The following CENPI variants were observed in gnomAD, a reference collection of about 807,000 sequenced individuals.
CENPI encodes centromere protein I, also known as FSH primary response 1.
Under a neutral mutation model 60.4 loss-of-function variants are expected in CENPI, and 4 were observed. The ratio of observed to expected loss-of-function variants is 0.07; its 90% CI spans 0.03 to 0.15. CENPI has a LOEUF of 0.15. Ranked by LOEUF, CENPI falls within the 10% of genes least tolerant of loss-of-function variation. The pLI is 1.00. For synonymous variants in CENPI, 157 were observed against 189.4 expected (o/e 0.83, Z 1.40); for missense variants, 444 against 534.5 (o/e 0.83, Z 1.67).
rs1429804180 is a variant in CENPI, at chrX:101,134,939, G to A, written c.1470+2483G>A. On this transcript the variant is annotated intron_variant, in intron 15 of 21. Coordinates refer to ENST00000682095, the MANE Select transcript of CENPI (RefSeq NM_001386188.2). ...TGAGGCAGGAGAATCGCTTGAACCC[G>A]GGAGGTGGAGGTTGCAGTGAGCCGA... Among the ~76,000 whole-genome samples the A allele has an allele frequency of 3.6e-5, 4 of 109,991 alleles. No homozygotes were observed. In the South Asian group the frequency reaches 1.6e-3, roughly 44 times the overall value.
downstream of CENPI, among the ~76,000 whole-genome samples, chrX:101,168,490 C>T (rs374827294): frequency 4.5e-5 from 5 of 111,716 alleles, no homozygotes; most frequent in East Asian, 1.1e-3. Context: ...TGCTTGAACC[C>T]GGGAGGTGGA....
intron 8 of CENPI, among the ~76,000 whole-genome samples, chrX:101,123,460 C>T (rs1300340134): frequency 8.9e-6 from 1 of 111,741 alleles, no homozygotes; most frequent in African/African-American, 3.3e-5. Context: ...CTCCCTCTAC[C>T]GGGCATGAGC....
the CENPI span, among the ~76,000 whole-genome samples, chrX:101,172,199 G>C: frequency 5.4e-5 from 6 of 111,810 alleles, no homozygotes; most frequent in South Asian, 2.3e-3. Context: ...GTCATGTATT[G>C]CTGGTTGGAA....
intron 20 of CENPI, among the ~76,000 whole-genome samples, chrX:101,154,173 A>G (rs1478012296): frequency 8.9e-6 from 1 of 111,763 alleles, no homozygotes; most frequent in Non-Finnish European, 1.9e-5. Context: ...GAAATCAGAA[A>G]ATGTGAGTTC....
At chrX:101,119,176 G>T (rs1047645102) in intron 6 of CENPI, among the ~76,000 whole-genome samples, 3 of 111,490 alleles carry the variant, frequency 2.7e-5, no homozygotes, top group Non-Finnish European at 5.7e-5. Context: ...GTGAAACTCC[G>T]TCTCAAAAAA....
chrX:101,127,400 C>A (rs747455688), intron 10 of CENPI, 98 bp from the exon 11 acceptor site: 150 of 956,646 alleles, frequency 1.6e-4, no homozygotes, highest in Non-Finnish European at 2.0e-4. Flanking sequence ...AAGCCATATT[C>A]AGATTCCTTT....
downstream of CENPI, among the ~76,000 whole-genome samples, chrX:101,167,428 C>T (rs944664428): frequency 9.0e-6 from 1 of 111,585 alleles, no homozygotes; most frequent in Non-Finnish European, 1.9e-5. Flanking sequence ...ACTGTTACCT[C>T]GGGTAATAAG....
intron 15 of CENPI, among the ~76,000 whole-genome samples, chrX:101,139,369 A>G (rs1239726411): frequency 1.8e-5 from 2 of 111,226 alleles, no homozygotes; most frequent in Non-Finnish European, 3.8e-5. Flanking sequence ...TGCTGGGATT[A>G]CAGGCATGAA....
intron 16 of CENPI, among the ~76,000 whole-genome samples, chrX:101,144,087 C>CTT (rs58858609): frequency 0.16 from 12,559 of 79,509 alleles, 1,200 homozygotes; most frequent in African/African-American, 0.27. Flanking sequence ...TTTTCTTTTT[C>CTT]TTTTTTTTTT....
intron 20 of CENPI, 28 bp from the exon 21 acceptor site, chrX:101,161,500 T>C: frequency 8.4e-7 from 1 of 1,193,961 alleles, no homozygotes; most frequent in Non-Finnish European, 1.1e-6. Flanking sequence ...TTTTGCTTTG[T>C]TTTGTTTTTT....
chrX:101,135,979 T>C, intron 15 of CENPI, among the ~76,000 whole-genome samples: 1 of 112,614 alleles, frequency 8.9e-6, no homozygotes, highest in Middle Eastern at 4.6e-3. Flanking sequence ...TGCCTTGGCC[T>C]ACCAGAGTGC....
chrX:101,108,916 G>A (rs745572179), intron 4 of CENPI, among the ~76,000 whole-genome samples: 1 of 110,769 alleles, frequency 9.0e-6, no homozygotes, highest in Non-Finnish European at 1.9e-5. Flanking sequence ...CAAAGTGTTA[G>A]GATTATAGGC....
In CENPI at chrX:101,127,562, A is replaced by G; in HGVS notation, c.971A>G (p.Lys324Arg). Reference sequence around the variant, plus strand: ...AGTAGCTACACTAAAGAATGTGGAAAAAAAGAGATGAGTCTTTCTGATTGT... The same window carrying G: ...AGTAGCTACACTAAAGAATGTGGAAGAAAAGAGATGAGTCTTTCTGATTGT... ...NSSSYTKECG[K>R]KEMSLSDCLN... The change falls in exon 11 of 22, where the codon AAA becomes AGA. Residue 324 changes from lysine to arginine, a missense_variant. Physicochemically the swap from Lys to Arg is conservative, Grantham distance 26. Coordinates refer to ENST00000682095, the MANE Select transcript of CENPI (RefSeq NM_001386188.2). 2 of 1,199,616 alleles carry G rather than the reference A, an allele frequency of 1.7e-6. No homozygotes were observed. The highest frequency in any genetic ancestry group is 1.1e-6 in the Non-Finnish European group (1 of 885,667).
intron 6 of CENPI, among the ~76,000 whole-genome samples, chrX:101,114,945 A>C (rs187655624): frequency 1.2e-5 from 1 of 84,311 alleles, no homozygotes; most frequent in East Asian, 3.5e-4. Context: ...CTGGTGTATT[A>C]GTACATAAAA....
In CENPI at chrX:101,127,201, C is replaced by T. The variant is rs1602799134; in HGVS notation, c.841C>T (p.Arg281Trp). The T allele has an allele frequency of 3.3e-6, 4 of 1,196,094 alleles. No individual in the cohort carries two copies. The highest frequency in any genetic ancestry group is 1.9e-5 in the South Asian group (1 of 53,380). The change falls in exon 10 of 22, where the codon CGG becomes TGG. Residue 281 changes from arginine (R) to tryptophan (W), a missense_variant. Physicochemically the swap from Arg to Trp is moderately radical, Grantham distance 101 (BLOSUM62 -3). Coordinates refer to ENST00000682095, the MANE Select transcript of CENPI (RefSeq NM_001386188.2). Reference sequence around the variant, plus strand: ...TCTGCTTGCCGTGAAGCAAAGAAACCGGGGACCTTCTCCAGAACCTCTGAA... The same window carrying T: ...TCTGCTTGCCGTGAAGCAAAGAAACTGGGGACCTTCTCCAGAACCTCTGAA... ...TALLAVKQRN[R>W]GPSPEPLKLM...
At chrX:101,167,345 GAC>G, downstream of CENPI, among the ~76,000 whole-genome samples, 1 of 111,913 alleles carries the variant, frequency 8.9e-6, no homozygotes, top group Non-Finnish European at 1.9e-5. Context: ...TGGATACAAT[GAC>G]ACCTACGAAA....
chrX:101,168,572 A>C (rs2148276134), downstream of CENPI, among the ~76,000 whole-genome samples: 1 of 111,866 alleles, frequency 8.9e-6, no homozygotes, highest in South Asian at 3.7e-4. Flanking sequence ...AAAACAAAAC[A>C]AAACAAAACA....
At chrX:101,114,647 T>A (rs181342832) in intron 6 of CENPI, among the ~76,000 whole-genome samples, 1 of 112,474 alleles carries the variant, frequency 8.9e-6, no homozygotes, top group Non-Finnish European at 1.9e-5. Context: ...AGTACTTTTT[T>A]TTTCCCCCTG....
At chrX:101,111,270 A>G (rs1441458625) in intron 6 of CENPI, among the ~76,000 whole-genome samples, 1 of 111,418 alleles carries the variant, frequency 9.0e-6, no homozygotes, top group East Asian at 2.8e-4. Flanking sequence ...ATCTAGGTAT[A>G]ACATGATGTC....
Sources: gnomAD v4.1 joint callset for allele counts (sites outside exome capture counted in the v4.1 genomes callset) on GRCh38, gnomAD v4.1.1 for gene constraint, MANE v1.5 for transcripts, NCBI Gene and HGNC (gene_info 2026-07-23, HGNC 2026-07-21) for gene names.